The following PBRM1 variants were observed in gnomAD, a reference collection of about 807,000 sequenced individuals.
PBRM1 encodes the protein polybromo 1.
Under a neutral mutation model 194.5 loss-of-function variants are expected in PBRM1, and 27 were observed. The ratio of observed to expected loss-of-function variants is 0.14; its 90% CI spans 0.10 to 0.19. PBRM1 has a LOEUF of 0.19. PBRM1 is among the 10% of genes least tolerant of loss of function. The pLI is 1.00. For synonymous variants in PBRM1, 655 were observed against 693.2 expected, an observed-to-expected ratio of 0.94 and a Z score of 0.87; for missense variants, 1,466 against 2,077.2, an observed-to-expected ratio of 0.71 and a Z score of 5.72.
chr3:52,599,701 G>C (rs949860558), intron 17 of PBRM1, among the ~76,000 whole-genome samples: 1 of 150,962 alleles, frequency 6.6e-6, no homozygotes, highest in Non-Finnish European at 1.5e-5. Flanking sequence ...GGTGATGGGC[G>C]CGCCTGTAAT....
intron 4 of PBRM1, 73 bp from the exon 6 acceptor site, chr3:52,658,388 T>C (rs1015311184): frequency 1.5e-5 from 12 of 796,562 alleles, no homozygotes; most frequent in Non-Finnish European, 2.3e-5. Context: ...CTTCTAAAAT[T>C]GTAGAGCTAA....
In PBRM1 at chr3:52,579,370, G is replaced by T. The variant is rs1420369818; in HGVS notation, c.3388-171C>A. On this transcript the variant is annotated intron_variant, in intron 20 of 29. Coordinates refer to ENST00000296302, the Ensembl canonical transcript of PBRM1. ...GGAGGCCAAGGCAGGACGATCGCTTGAGCCCAAGAGTTTGAGACCAGCTTG... is the reference window on the plus strand; with the variant it reads ...GGAGGCCAAGGCAGGACGATCGCTTTAGCCCAAGAGTTTGAGACCAGCTTG... The T allele has an allele frequency of 4.9e-6, 3 of 613,818 alleles. No homozygotes were observed. In the African/African-American group the frequency reaches 5.6e-5, roughly 11 times the overall value. 38.0% of individuals were successfully genotyped at this position (613,818 alleles called of 1,614,324 possible).
At chr3:52,551,920 T>G (rs1025964255) in intron 27 of PBRM1, 4 of 152,206 alleles carry the variant, frequency 2.6e-5, no homozygotes, top group African/African-American at 9.7e-5. Context: ...CCAATTTTAG[T>G]GTATGTGCTG....
At chr3:52,642,097 G>A (rs2153709466) in intron 9 of PBRM1, 52 bp from the exon 11 acceptor site, 2 of 958,190 alleles carry the variant, frequency 2.1e-6, no homozygotes, top group Non-Finnish European at 3.3e-6. Context: ...TAATAATTAG[G>A]TTACTTTACA....
exon 6 of PBRM1, chr3:52,651,775 A>G: frequency 2.5e-6 from 4 of 1,606,016 alleles, no homozygotes; most frequent in Non-Finnish European, 3.4e-6. Flanking sequence ...TGAGATCTAT[A>G]GGCTCCTTAA....
intron 17 of PBRM1, among the ~76,000 whole-genome samples, chr3:52,599,093 G>A (rs1560221720): frequency 6.6e-6 from 1 of 151,964 alleles, no homozygotes; most frequent in Non-Finnish European, 1.5e-5. Flanking sequence ...AGGAGACTGA[G>A]GCAAGAGACT....
intron 13 of PBRM1, among the ~76,000 whole-genome samples, chr3:52,619,147 G>A: frequency 6.6e-6 from 1 of 152,174 alleles, no homozygotes; most frequent in East Asian, 1.9e-4. Flanking sequence ...GCCCACCTTG[G>A]CCTCCCAAAG....
intron 5 of PBRM1, among the ~76,000 whole-genome samples, chr3:52,655,488 T>C (rs917421075): frequency 6.6e-6 from 1 of 152,188 alleles, no homozygotes; most frequent in African/African-American, 2.4e-5. Context: ...CCTGAGTTGC[T>C]TCCATTTTTA....
chr3:52,604,636 T>G (rs1361966863), intron 16 of PBRM1, among the ~76,000 whole-genome samples: 1 of 151,414 alleles, frequency 6.6e-6, no homozygotes, highest in Non-Finnish European at 1.5e-5. Context: ...AAGGGTGCAG[T>G]AAGTTATGAT....
chr3:52,548,466 G>A (rs768069120), intron 29 of PBRM1, among the ~76,000 whole-genome samples: 1 of 149,406 alleles, frequency 6.7e-6, no homozygotes, highest in African/African-American at 2.5e-5. Flanking sequence ...TCGCTCTGTC[G>A]CCCTCGCTGG....
exon 29 of PBRM1, chr3:52,550,559 G>C (rs2153376261): frequency 6.4e-7 from 1 of 1,552,534 alleles, no homozygotes; most frequent in Non-Finnish European, 8.7e-7. Flanking sequence ...GTTGGCTGCT[G>C]TATGACAGGG....
intron 22 of PBRM1, among the ~76,000 whole-genome samples, chr3:52,575,448 A>G (rs555023280): frequency 1.1e-4 from 16 of 152,062 alleles, no homozygotes; most frequent in Admixed American, 2.0e-4. Context: ...AATGAACAGA[A>G]ATTGTTCCTG....
chr3:52,658,249 G>C, exon 5 of PBRM1: 1 of 1,612,998 alleles, frequency 6.2e-7, no homozygotes, highest in Non-Finnish European at 8.5e-7. Context: ...CGTCCTGATG[G>C]ATTTGTAGCT....
chr3:52,559,313 C>T (rs1359834593), intron 25 of PBRM1, among the ~76,000 whole-genome samples: 1 of 152,220 alleles, frequency 6.6e-6, no homozygotes, highest in African/African-American at 2.4e-5. Flanking sequence ...TACTCTGCAT[C>T]TCCAGAGCCG....
intron 10 of PBRM1, among the ~76,000 whole-genome samples, chr3:52,636,613 C>T (rs534841628): frequency 5.3e-5 from 8 of 150,948 alleles, no homozygotes; most frequent in East Asian, 3.9e-4. Context: ...AAAAATTAGC[C>T]GGGTGTGGTG....
At chr3:52,562,077 T>C (rs1167227984) in intron 24 of PBRM1, 109 bp from the exon 27 acceptor site, 3 of 782,978 alleles carry the variant, frequency 3.8e-6, no homozygotes, top group Non-Finnish European at 4.5e-6. Flanking sequence ...ATCCCAGCAC[T>C]TTGGGGGGCC....
chr3:52,648,022 C>T (rs1000609526), intron 7 of PBRM1, among the ~76,000 whole-genome samples: 2 of 152,042 alleles, frequency 1.3e-5, no homozygotes, highest in Admixed American at 1.3e-4. Flanking sequence ...GACTCTCCTA[C>T]CTCAGCCTCC....
At chr3:52,550,025 C>G (rs374215260) in intron 29 of PBRM1, among the ~76,000 whole-genome samples, 1 of 152,274 alleles carries the variant, frequency 6.6e-6, no homozygotes, top group African/African-American at 2.4e-5. Context: ...TGAGACCAGC[C>G]TGGCTGATAT....
exon 1 of PBRM1, chr3:52,679,590 A>G: frequency 6.2e-7 from 1 of 1,613,352 alleles, no homozygotes; most frequent in Non-Finnish European, 8.5e-7. Flanking sequence ...TACAGTTGGA[A>G]GATTGGAAAG....
Sources: allele counts gnomAD v4.1 joint callset (sites outside exome capture counted in the v4.1 genomes callset), GRCh38; gene constraint gnomAD v4.1.1; transcripts MANE v1.5; gene names NCBI Gene and HGNC (gene_info 2026-07-23, HGNC 2026-07-21).